Variants in SLC1A2 observed in about 807,000 individuals in gnomAD.
SLC1A2 encodes the protein solute carrier family 1 member 2.
SLC1A2 carries 15 observed loss-of-function variants against 48.8 expected under a neutral mutation model. That is an observed-to-expected ratio of 0.31 (90% CI 0.21 to 0.47). The LOEUF (loss-of-function observed/expected upper bound fraction) is 0.47. Ranked by LOEUF, SLC1A2 falls within the 20% of genes least tolerant of loss-of-function variation. The probability of loss-of-function intolerance (pLI) is 0.99; values close to 1 mark genes in which losing one functional copy is unlikely to be tolerated. For synonymous variants in SLC1A2, 279 were observed against 272.6 expected (o/e 1.02, Z -0.23); for missense variants, 502 against 730.5 (o/e 0.69, Z 3.61).
chr11:35,374,230 T>C (rs1036273443), intron 1 of SLC1A2: 11 of 678,362 alleles, frequency 1.6e-5, no homozygotes, highest in Non-Finnish European at 2.7e-5. Context: ...GAATGATTTA[T>C]AGCTAAGACT....
chr11:35,264,595 A>T (rs1252877488), intron 10 of SLC1A2, among the ~76,000 whole-genome samples: 1 of 152,254 alleles, frequency 6.6e-6, no homozygotes, highest in African/African-American at 2.4e-5. Context: ...AGCACCCAAC[A>T]GCTTGGAGGA....
chr11:35,289,288 C>T (rs945621410), intron 7 of SLC1A2, among the ~76,000 whole-genome samples: 8 of 146,778 alleles, frequency 5.5e-5, no homozygotes. Context: ...TGTGGGCTGT[C>T]CCTGGGTTTT....
rs142061351 is a variant in SLC1A2 at position 35,401,015 on chromosome 11, C to T, written c.17+17935G>A. 4.3e-3 allele frequency among the ~76,000 whole-genome samples: 656 copies of T among 152,210 alleles called. 5 individuals carry two copies. Among genetic ancestry groups the T allele is most frequent in the African/African-American group, 0.015 (616 of 41,524 alleles). On this transcript the variant is annotated intron_variant, in intron 1 of 10. Transcript: ENST00000278379. ...GAAGCAAGGAGGTGGGTGGGCGGGG[C>T]TTCTATGTGATAGGTAGGTTCAAGG...
rs1228688710 is a variant in SLC1A2 at position 35,252,699 on chromosome 11, T to C, written c.*8195A>G. 1 of 152,516 alleles carries C rather than the reference T, an allele frequency of 6.6e-6. No individual in the cohort carries two copies. The highest frequency in any genetic ancestry group is 1.5e-5 in the Non-Finnish European group (1 of 68,040). The allele number at this position is 152,516 out of a possible 1,614,324, so 9.4% of individuals were successfully genotyped here. A position where few individuals can be genotyped will look rare whatever the true frequency, so the allele number is the denominator to read the frequency against. ...TTATCTAAGAAGGAAAAAGAAATGT[T>C]TGCAAAACACCGATCAACATGTCTA... On this transcript the variant is annotated 3_prime_UTR_variant, in exon 11 of 11. Coordinates refer to ENST00000278379, the MANE Select transcript of SLC1A2 (RefSeq NM_004171.4).
intron 9 of SLC1A2, among the ~76,000 whole-genome samples, chr11:35,274,346 G>A (rs1850373946): frequency 6.6e-6 from 1 of 152,198 alleles, no homozygotes; most frequent in African/African-American, 2.4e-5. Flanking sequence ...AAACTTTGGT[G>A]AGAGAGGAAA....
At chr11:35,318,421 C>T (rs1320531174) in intron 1 of SLC1A2, among the ~76,000 whole-genome samples, 1 of 152,290 alleles carries the variant, frequency 6.6e-6, no homozygotes, top group African/African-American at 2.4e-5. Context: ...CTGCTATTTA[C>T]AATCACCATC....
At chr11:35,283,847 T>A (rs935247404) in intron 8 of SLC1A2, among the ~76,000 whole-genome samples, 12 of 152,030 alleles carry the variant, frequency 7.9e-5, no homozygotes, top group African/African-American at 2.7e-4. Flanking sequence ...ATGGTACTCA[T>A]GATGTCACAG....
Position 35,251,819 on chromosome 11 carries a change from G to T in SLC1A2, c.*9075C>A, listed in dbSNP as rs535643694. 1 of 152,580 alleles carries T rather than the reference G, an allele frequency of 6.6e-6. No individual in the cohort carries two copies. The highest frequency in any genetic ancestry group is 6.6e-5 in the Admixed American group (1 of 15,266). 9.5% of individuals were successfully genotyped at this position (152,580 alleles called of 1,614,324 possible). On this transcript the variant is annotated 3_prime_UTR_variant, in exon 11 of 11. Transcript: ENST00000278379. ...CTTGGGAAAAGAGTAGGGCACTCAG[G>T]GTTCCCTATAGCACATGGCTAGTTC...
intron 4 of SLC1A2, 75 bp from the exon 5 acceptor site, chr11:35,306,317 C>CAT (rs1851505712): frequency 8.2e-7 from 1 of 1,215,122 alleles, no homozygotes. Flanking sequence ...ATTGGCTACT[C>CAT]ATATATTTTA....
In SLC1A2 at chr11:35,265,563, A is replaced by ATAG. The variant is rs779040157; in HGVS notation, c.1614_1616dup (p.Tyr539dup). On this transcript the variant is annotated inframe_insertion, in exon 10 of 11. Transcript: ENST00000278379. ...CTACTATGACAGAGTTGTGTGCAGC[A>ATAG]TAGACACATTGATTAGAGTTGCTTT... The ATAG allele has an allele frequency of 6.2e-7, 1 of 1,607,154 alleles. No individual in the cohort carries two copies. Among genetic ancestry groups the ATAG allele is most frequent in the Non-Finnish European group, 8.5e-7 (1 of 1,173,632 alleles).
At chr11:35,412,050 A>C (rs940838753) in intron 1 of SLC1A2, among the ~76,000 whole-genome samples, 3 of 151,728 alleles carry the variant, frequency 2.0e-5, no homozygotes, top group Non-Finnish European at 4.4e-5. Context: ...AGCAAAAAAA[A>C]AAAACAAAAC....
At chr11:35,288,929 C>G (rs1200368207) in intron 7 of SLC1A2, among the ~76,000 whole-genome samples, 1 of 152,054 alleles carries the variant, frequency 6.6e-6, no homozygotes, top group Non-Finnish European at 1.5e-5. Context: ...TCTTAAAAAA[C>G]CCACCCACCC....
chr11:35,366,623 T>C (rs1429392183), intron 1 of SLC1A2, among the ~76,000 whole-genome samples: 1 of 152,192 alleles, frequency 6.6e-6, no homozygotes, highest in African/African-American at 2.4e-5. Flanking sequence ...CTTCCTTGTC[T>C]CATTTCTCCA....
chr11:35,402,433 G>A (rs1245421394), intron 1 of SLC1A2, among the ~76,000 whole-genome samples: 1 of 152,184 alleles, frequency 6.6e-6, no homozygotes, highest in African/African-American at 2.4e-5. Context: ...CACCCAGAGA[G>A]GCATGAAAGC....
chr11:35,345,703 T>C (rs753986120), intron 1 of SLC1A2, among the ~76,000 whole-genome samples: 16 of 152,046 alleles, frequency 1.1e-4, no homozygotes, highest in Non-Finnish European at 1.6e-4. Flanking sequence ...TCTTTCCCTG[T>C]CTCTTAAAAA....
intron 1 of SLC1A2, among the ~76,000 whole-genome samples, chr11:35,365,642 CA>C (rs1175902997): frequency 6.6e-6 from 1 of 152,140 alleles, no homozygotes; most frequent in Admixed American, 6.5e-5. Flanking sequence ...CAGCCTGCAA[CA>C]AAAGTGATGT....
chr11:35,340,675 A>G (rs546219982), intron 1 of SLC1A2, among the ~76,000 whole-genome samples: 2 of 152,352 alleles, frequency 1.3e-5, no homozygotes, highest in South Asian at 2.1e-4. Flanking sequence ...ACTACAAAGA[A>G]GCAATCAGTA....
At chr11:35,341,958 A>G (rs1378046053) in intron 1 of SLC1A2, among the ~76,000 whole-genome samples, 1 of 152,218 alleles carries the variant, frequency 6.6e-6, no homozygotes, top group African/African-American at 2.4e-5. Flanking sequence ...TGCTATATGA[A>G]CTGATATGGA....
chr11:35,289,808 G>T (rs1463728536), intron 7 of SLC1A2, among the ~76,000 whole-genome samples: 2 of 152,098 alleles, frequency 1.3e-5, no homozygotes, highest in African/African-American at 2.4e-5. Flanking sequence ...GAGGCAAAAA[G>T]CACAGTAAAT....
Sources: gnomAD v4.1 joint callset for allele counts (sites outside exome capture counted in the v4.1 genomes callset) on GRCh38, gnomAD v4.1.1 for gene constraint, MANE v1.5 for transcripts, NCBI Gene and HGNC (gene_info 2026-07-23, HGNC 2026-07-21) for gene names.